Variants in WWOX observed in about 807,000 individuals in gnomAD.
WWOX encodes the protein WW domain containing oxidoreductase.
WWOX carries 69 observed loss-of-function variants against 46.2 expected under a neutral mutation model. That is an observed-to-expected ratio of 1.49 (90% CI 1.23 to 1.82). WWOX has a LOEUF of 1.82. WWOX is among the 40% of genes most tolerant of loss of function. The probability of loss-of-function intolerance (pLI) is 0.00; values close to 1 mark genes in which losing one functional copy is unlikely to be tolerated. For synonymous variants in WWOX, 359 were observed against 202.6 expected (o/e 1.77, Z -6.56); for missense variants, 919 against 542.6 (o/e 1.69, Z -6.89).
intron 8 of WWOX, among the ~76,000 whole-genome samples, chr16:78,715,784 A>G (rs746924928): frequency 6.6e-6 from 1 of 152,114 alleles, no homozygotes; most frequent in African/African-American, 2.4e-5. Context: ...GCCGTGTCTG[A>G]CCATTTTATC....
intron 8 of WWOX, among the ~76,000 whole-genome samples, chr16:78,567,894 A>G (rs2151568515): frequency 6.6e-6 from 1 of 152,250 alleles, no homozygotes. Context: ...TGGAACAGAA[A>G]CAAGCACCCT....
intron 8 of WWOX, among the ~76,000 whole-genome samples, chr16:78,759,565 C>G (rs1344307144): frequency 2.0e-5 from 3 of 152,034 alleles, no homozygotes; most frequent in Non-Finnish European, 4.4e-5. Flanking sequence ...CTCATTGAAT[C>G]CTTTAAACTA....
chr16:78,354,916 C>G (rs367717481), intron 5 of WWOX, among the ~76,000 whole-genome samples: 4 of 152,184 alleles, frequency 2.6e-5, no homozygotes, highest in African/African-American at 9.6e-5. Context: ...AGGAGACCAC[C>G]TGAGGTCAGG....
intron 8 of WWOX, among the ~76,000 whole-genome samples, chr16:78,562,300 T>C (rs1313296613): frequency 6.6e-6 from 1 of 152,172 alleles, no homozygotes; most frequent in African/African-American, 2.4e-5. Flanking sequence ...AGAGCTCACT[T>C]TATCTCAAAA....
At chr16:79,069,093 A>T (rs2048499297) in intron 8 of WWOX, among the ~76,000 whole-genome samples, 1 of 152,204 alleles carries the variant, frequency 6.6e-6, no homozygotes, top group Admixed American at 6.5e-5. Flanking sequence ...ACCTGGAAAG[A>T]AAGTGCCGGA....
intron 8 of WWOX, among the ~76,000 whole-genome samples, chr16:78,918,332 C>T (rs1220222756): frequency 6.6e-6 from 1 of 152,218 alleles, no homozygotes; most frequent in African/African-American, 2.4e-5. Context: ...TTTCCTGTTT[C>T]TCTCTTCCTT....
At chr16:78,904,558 G>T (rs1414692232) in intron 8 of WWOX, among the ~76,000 whole-genome samples, 2 of 151,974 alleles carry the variant, frequency 1.3e-5, no homozygotes, top group Non-Finnish European at 2.9e-5. Context: ...TCTGGGTGGG[G>T]CATGGTCACT....
At chr16:79,189,020 G>GA (rs147204897) in intron 8 of WWOX, among the ~76,000 whole-genome samples, 2,839 of 152,248 alleles carry the variant, frequency 0.019, 107 homozygotes, top group African/African-American at 0.064. Flanking sequence ...CTGTGTGGAA[G>GA]AGTTGACAGA....
At chr16:79,166,707 C>T (rs539655396) in intron 8 of WWOX, among the ~76,000 whole-genome samples, 30 of 152,258 alleles carry the variant, frequency 2.0e-4, no homozygotes, top group East Asian at 7.7e-4. Flanking sequence ...CCCTCAAGAC[C>T]GCTGAACTAC....
intron 8 of WWOX, among the ~76,000 whole-genome samples, chr16:78,593,318 G>C (rs1028457238): frequency 1.3e-5 from 2 of 152,120 alleles, no homozygotes; most frequent in Non-Finnish European, 2.9e-5. Flanking sequence ...TGGGATTATA[G>C]GCTTGAACCA....
chr16:78,133,176 T>G (rs1187726252), intron 4 of WWOX, among the ~76,000 whole-genome samples: 1 of 152,244 alleles, frequency 6.6e-6, no homozygotes, highest in Non-Finnish European at 1.5e-5. Flanking sequence ...TTAATCATAT[T>G]TAACTTTTCA....
intron 8 of WWOX, among the ~76,000 whole-genome samples, chr16:78,872,467 A>T (rs979845652): frequency 3.9e-5 from 6 of 152,196 alleles, no homozygotes; most frequent in Non-Finnish European, 5.9e-5. Flanking sequence ...ACAGTGAATT[A>T]CAGTGGGGGA....
At chr16:78,843,678 G>A (rs1335710779) in intron 8 of WWOX, among the ~76,000 whole-genome samples, 3 of 132,670 alleles carry the variant, frequency 2.3e-5, no homozygotes, top group African/African-American at 5.0e-5. Context: ...TTCCCTCTCC[G>A]TGGCTCAGCA....
At chr16:78,898,076 T>A (rs1040811591) in intron 8 of WWOX, 1 of 152,118 alleles carries the variant, frequency 6.6e-6, no homozygotes, top group African/African-American at 2.4e-5. Context: ...TTTTTTCATA[T>A]GTACTGTGAA....
At chr16:78,363,919 C>T (rs918390890) in intron 5 of WWOX, among the ~76,000 whole-genome samples, 4 of 152,232 alleles carry the variant, frequency 2.6e-5, no homozygotes, top group African/African-American at 9.6e-5. Flanking sequence ...TCTCCGCCAT[C>T]TTGTTGTGAT....
chr16:78,144,490 C>CACATATATATATATATAT (rs1567596498), intron 4 of WWOX, among the ~76,000 whole-genome samples: 3 of 7,190 alleles, frequency 4.2e-4, no homozygotes, highest in Non-Finnish European at 7.1e-4. Flanking sequence ...TATATATACA[C>CACATATATATATATATAT]ACACACACAC....
intron 8 of WWOX, among the ~76,000 whole-genome samples, chr16:79,072,635 G>T (rs1424613575): frequency 1.3e-5 from 2 of 152,126 alleles, no homozygotes. Flanking sequence ...AATTATTAAT[G>T]ATCAAAGTTA....
chr16:78,602,634 C>G (rs1346549543), intron 8 of WWOX, among the ~76,000 whole-genome samples: 1 of 152,158 alleles, frequency 6.6e-6, no homozygotes, highest in Non-Finnish European at 1.5e-5. Flanking sequence ...TAGCCATATC[C>G]TTCCGGCCAG....
intron 5 of WWOX, among the ~76,000 whole-genome samples, chr16:78,249,593 AG>A (rs2037924942): frequency 6.6e-6 from 1 of 152,232 alleles, no homozygotes; most frequent in Admixed American, 6.5e-5. Flanking sequence ...TTCAGCATGC[AG>A]GTGAGAAGGC....
Sources: allele counts gnomAD v4.1 joint callset (sites outside exome capture counted in the v4.1 genomes callset), GRCh38; gene constraint gnomAD v4.1.1; transcripts MANE v1.5; gene names NCBI Gene and HGNC (gene_info 2026-07-23, HGNC 2026-07-21).